The following CACNB4 variants were observed in gnomAD, a reference collection of about 807,000 sequenced individuals.
CACNB4 encodes calcium voltage-gated channel auxiliary subunit beta 4, also known as voltage-dependent L-type calcium channel subunit beta-4.
A neutral mutation model predicts 71.2 loss-of-function variants in CACNB4; 32 were observed. The observed-to-expected ratio is 0.45, with a 90% confidence interval of 0.34 to 0.60. The LOEUF (loss-of-function observed/expected upper bound fraction) is 0.60. Among genes scored for constraint, CACNB4 ranks in the 20% least tolerant of loss-of-function variants. The pLI, the probability that CACNB4 is intolerant of heterozygous loss-of-function variation, is 0.01. For missense variants in CACNB4, 464 were observed against 647.9 expected (o/e 0.72, Z 3.08); for synonymous variants, 231 against 236.9 (o/e 0.97, Z 0.23).
chr2:151,969,987 G>A (rs1471855016), intron 2 of CACNB4: 1 of 152,060 alleles, frequency 6.6e-6, no homozygotes, highest in Non-Finnish European at 1.5e-5. Context: ...GAAAAGATCA[G>A]GTCCCTCTTT....
At position 151,967,342 on chromosome 2, in the gene CACNB4, C is replaced by G. The variant is rs1403492852; in HGVS notation, c.148-83972G>C. The G allele has an allele frequency of 7.9e-5, 12 of 152,216 alleles. 1 individual carries two copies. Among genetic ancestry groups the G allele is most frequent in the Admixed American group, 7.9e-4 (12 of 15,264 alleles). 9.4% of individuals were successfully genotyped at this position (152,216 alleles called of 1,614,324 possible). ...AAGTGCTGAGATTACAGGTGTGAGCCACCGCGCCTGGTCTGTCTCCACTTT... is the reference window on the plus strand; with the variant it reads ...AAGTGCTGAGATTACAGGTGTGAGCGACCGCGCCTGGTCTGTCTCCACTTT... On this transcript the variant is annotated intron_variant, in intron 2 of 13. Coordinates refer to ENST00000539935, the MANE Select transcript of CACNB4 (RefSeq NM_000726.5).
intron 2 of CACNB4, among the ~76,000 whole-genome samples, chr2:151,997,812 G>A (rs1682150831): frequency 1.3e-5 from 2 of 152,138 alleles, no homozygotes; most frequent in Admixed American, 1.3e-4. Flanking sequence ...CTTTGTTGCA[G>A]CAACCTCAGG....
chr2:151,941,701 G>A (rs1254273381), intron 2 of CACNB4, among the ~76,000 whole-genome samples: 3 of 152,138 alleles, frequency 2.0e-5, no homozygotes, highest in African/African-American at 7.2e-5. Context: ...CATCCAACAG[G>A]TATTTACCAA....
chr2:152,017,677 C>T (rs868610000), intron 2 of CACNB4, among the ~76,000 whole-genome samples: 19 of 151,414 alleles, frequency 1.3e-4, no homozygotes, highest in Admixed American at 2.6e-4. Context: ...CACTGCACTC[C>T]AGCCTGAGTG....
intron 2 of CACNB4, among the ~76,000 whole-genome samples, chr2:151,952,575 G>C (rs2099867183): frequency 2.0e-5 from 3 of 152,180 alleles, no homozygotes; most frequent in African/African-American, 7.2e-5. Context: ...AAATATGACT[G>C]AGGTATATTT....
intron 2 of CACNB4, among the ~76,000 whole-genome samples, chr2:152,044,133 C>T (rs376503684): frequency 6.6e-5 from 10 of 152,280 alleles, no homozygotes; most frequent in East Asian, 1.9e-4. Flanking sequence ...AAAAACAAAA[C>T]GTGCTTCTTT....
intron 12 of CACNB4, chr2:151,850,856 A>G (rs1288418049): frequency 1.3e-5 from 2 of 152,234 alleles, no homozygotes; most frequent in Non-Finnish European, 2.9e-5. Flanking sequence ...GATATCACAT[A>G]GGACCCATAT....
rs1276454870 is a variant in CACNB4 at position 151,839,032 on chromosome 2, C to G, written c.*87G>C. The G allele has an allele frequency of 2.5e-6, 3 of 1,223,796 alleles. No homozygotes were observed. In the East Asian group the frequency reaches 7.1e-5, roughly 29 times the overall value. The allele number at this position is 1,223,796 out of a possible 1,614,324, so 75.8% of individuals were successfully genotyped here. A position where few individuals can be genotyped will look rare whatever the true frequency, so the allele number is the denominator to read the frequency against. On this transcript the variant is annotated 3_prime_UTR_variant, in exon 14 of 14. Transcript: ENST00000539935. ...GCCCATTAGCACAGTAAATACTGTG[C>G]TATGTTAGCCAAGTTAAGATGATTG... is the stretch of plus-strand genomic sequence containing the variant.
At chr2:151,858,089 G>C (rs978198730) in intron 10 of CACNB4, 1 of 152,156 alleles carries the variant, frequency 6.6e-6, no homozygotes, top group African/African-American at 2.4e-5. Flanking sequence ...TAAAGAAAAA[G>C]ATCTCAACCA....
intron 2 of CACNB4, among the ~76,000 whole-genome samples, chr2:151,986,962 C>G (rs1681404663): frequency 6.6e-6 from 1 of 152,152 alleles, no homozygotes; most frequent in Admixed American, 6.5e-5. Context: ...CTCCTACCAC[C>G]ATACAGAGAC....
chr2:152,068,946 A>G (rs1686504393), intron 2 of CACNB4, among the ~76,000 whole-genome samples: 1 of 152,166 alleles, frequency 6.6e-6, no homozygotes, highest in Non-Finnish European at 1.5e-5. Context: ...TCAGGCCCAC[A>G]TAGGCTTTGA....
At chr2:151,950,894 T>G (rs2099866769) in intron 2 of CACNB4, among the ~76,000 whole-genome samples, 2 of 152,156 alleles carry the variant, frequency 1.3e-5, no homozygotes, top group African/African-American at 4.8e-5. Context: ...GAGGTGGTGG[T>G]CAGACAATAT....
chr2:151,999,403 T>C (rs977239728), intron 2 of CACNB4, among the ~76,000 whole-genome samples: 3 of 151,998 alleles, frequency 2.0e-5, no homozygotes, highest in African/African-American at 7.2e-5. Flanking sequence ...TTATACCCTT[T>C]GGGGGAATCA....
At chr2:151,872,262 A>T in intron 6 of CACNB4, 155 bp downstream of exon 6, 1 of 607,186 alleles carries the variant, frequency 1.6e-6, no homozygotes, top group East Asian at 3.1e-5. Flanking sequence ...AAATCAAATT[A>T]CCATAGAAAA....
At chr2:152,099,064 C>A (rs1688449728), upstream of CACNB4, 1 of 1,301,566 alleles carries the variant, frequency 7.7e-7, no homozygotes, top group African/African-American at 1.6e-5. Flanking sequence ...AGGGGGCTGG[C>A]CCCCGAGGCT....
intron 2 of CACNB4, among the ~76,000 whole-genome samples, chr2:151,910,419 G>C (rs766120998): frequency 2.0e-5 from 3 of 151,996 alleles, no homozygotes; most frequent in Non-Finnish European, 4.4e-5. Flanking sequence ...TTTCTTCTAG[G>C]GTTTTTATGG....
chr2:151,970,693 G>A (rs1021416240), intron 2 of CACNB4: 1 of 152,188 alleles, frequency 6.6e-6, no homozygotes, highest in Non-Finnish European at 1.5e-5. Flanking sequence ...AGGAAGAGTC[G>A]ATGTGCATGA....
intron 2 of CACNB4, among the ~76,000 whole-genome samples, chr2:152,051,032 T>A (rs1264772034): frequency 1.3e-5 from 2 of 151,920 alleles, no homozygotes; most frequent in African/African-American, 4.8e-5. Flanking sequence ...GCCTCCCAAG[T>A]GCTGGGATTA....
chr2:152,074,205 C>T (rs1448112320), intron 2 of CACNB4, among the ~76,000 whole-genome samples: 1 of 151,998 alleles, frequency 6.6e-6, no homozygotes, highest in East Asian at 1.9e-4. Context: ...CCACCATCAC[C>T]ACCACCATCG....
Sources: allele counts gnomAD v4.1 joint callset (sites outside exome capture counted in the v4.1 genomes callset), GRCh38; gene constraint gnomAD v4.1.1; transcripts MANE v1.5; gene names NCBI Gene and HGNC (gene_info 2026-07-23, HGNC 2026-07-21).